Variants in EPHA6 observed in about 807,000 individuals in gnomAD.
The protein encoded by EPHA6 is ephrin type-A receptor 6.
EPHA6 carries 50 observed loss-of-function variants against 112.0 expected under a neutral mutation model. The ratio of observed to expected loss-of-function variants is 0.45; its 90% confidence interval spans 0.36 to 0.56. EPHA6 has a LOEUF of 0.56. Ranked by LOEUF, EPHA6 falls within the 20% of genes least tolerant of loss-of-function variation. The pLI is 0.00. For missense variants in EPHA6, 1,280 were observed against 1,417.4 expected, an observed-to-expected ratio of 0.90 and a Z score of 1.56; for synonymous variants, 529 against 490.7, an observed-to-expected ratio of 1.08 and a Z score of -1.03.
At chr3:96,981,525 G>A (rs79442110) in intron 2 of EPHA6, among the ~76,000 whole-genome samples, 1 of 150,958 alleles carries the variant, frequency 6.6e-6, no homozygotes, top group African/African-American at 2.4e-5. Context: ...TTTTTTTGTT[G>A]TGTCTCTGCG....
At chr3:96,843,441 A>T (rs2034871628) in intron 1 of EPHA6, among the ~76,000 whole-genome samples, 1 of 152,054 alleles carries the variant, frequency 6.6e-6, no homozygotes, top group South Asian at 2.1e-4. Context: ...TAAAATATAG[A>T]TTTGGAACAT....
At chr3:97,197,440 C>T (rs956866160) in intron 3 of EPHA6, among the ~76,000 whole-genome samples, 1 of 151,966 alleles carries the variant, frequency 6.6e-6, no homozygotes, top group African/African-American at 2.4e-5. Flanking sequence ...GGGTTCTCTT[C>T]TGTCCAAGGG....
intron 6 of EPHA6, among the ~76,000 whole-genome samples, chr3:97,419,107 C>G (rs1187788971): frequency 6.6e-6 from 1 of 151,962 alleles, no homozygotes; most frequent in Non-Finnish European, 1.5e-5. Context: ...GAGTTTAACA[C>G]CTGCCTGACC....
At chr3:97,186,261 C>G (rs1190585633) in intron 3 of EPHA6, among the ~76,000 whole-genome samples, 1 of 152,064 alleles carries the variant, frequency 6.6e-6, no homozygotes, top group Non-Finnish European at 1.5e-5. Context: ...CAGCCTGCTT[C>G]CTAGCTATAG....
chr3:97,584,220 C>A (rs1203172509), intron 11 of EPHA6, among the ~76,000 whole-genome samples: 2 of 152,050 alleles, frequency 1.3e-5, no homozygotes, highest in Non-Finnish European at 1.5e-5. Context: ...TAAATATTAC[C>A]TTGAGCTCCT....
At chr3:96,912,882 G>A (rs990164849) in intron 2 of EPHA6, among the ~76,000 whole-genome samples, 4 of 152,030 alleles carry the variant, frequency 2.6e-5, no homozygotes, top group Non-Finnish European at 5.9e-5. Context: ...ATGAGCCACT[G>A]TACCTGGCCT....
chr3:97,409,430 T>G (rs77654372), intron 6 of EPHA6, among the ~76,000 whole-genome samples: 4,194 of 152,168 alleles, frequency 0.028, 74 homozygotes, highest in Middle Eastern at 0.065. Flanking sequence ...ATTTTACAGA[T>G]TAAGAAACTA....
In EPHA6 at chr3:97,753,589, C is replaced by A. The variant is rs1459215280; in HGVS notation, c.*4888C>A. Among the ~76,000 whole-genome samples, 1 of 152,058 alleles carries A rather than the reference C, an allele frequency of 6.6e-6. No homozygotes were observed. The highest frequency in any genetic ancestry group is 1.5e-5 in the Non-Finnish European group (1 of 68,000). On this transcript the variant is annotated 3_prime_UTR_variant, in exon 18 of 18. Coordinates refer to ENST00000389672, the MANE Select transcript of EPHA6 (RefSeq NM_001080448.3). ...TATCAGTTCGTATATGGATTCACTACCTCAAAGGTGCCTCCTGTTAGAAAA... is the reference window on the plus strand; with the variant it reads ...TATCAGTTCGTATATGGATTCACTAACTCAAAGGTGCCTCCTGTTAGAAAA...
At chr3:97,668,176 G>T (rs1382758105) in intron 14 of EPHA6, among the ~76,000 whole-genome samples, 2 of 152,098 alleles carry the variant, frequency 1.3e-5, no homozygotes, top group Non-Finnish European at 2.9e-5. Flanking sequence ...TCATAATCTT[G>T]CTTCAAAGTA....
At chr3:97,362,780 A>G (rs1268277176) in intron 5 of EPHA6, among the ~76,000 whole-genome samples, 2 of 151,872 alleles carry the variant, frequency 1.3e-5, no homozygotes, top group Admixed American at 6.6e-5. Flanking sequence ...CAAGGTGTCA[A>G]TTTTATTTTT....
At chr3:97,700,699 A>T (rs1220562518) in intron 14 of EPHA6, among the ~76,000 whole-genome samples, 1 of 152,234 alleles carries the variant, frequency 6.6e-6, no homozygotes, top group Non-Finnish European at 1.5e-5. Flanking sequence ...TACACCACAC[A>T]CACATACAGT....
chr3:97,244,039 G>A lies in EPHA6; in HGVS notation c.1358G>A (p.Gly453Glu). 1.2e-6 allele frequency: 2 copies of A among 1,612,648 alleles called. No individual in the cohort carries two copies. The highest frequency in any genetic ancestry group is 1.7e-6 in the Non-Finnish European group (2 of 1,179,212). Reference protein sequence around the residue: ...LEWSPPSDTGGRKDLTYSVIC... With the variant: ...LEWSPPSDTGERKDLTYSVIC... ...TGGAGCCCACCAAGTGACACAGGAGGGAGAAAAGATCTCACATACAGTGTA... is the reference window on the plus strand; with the variant it reads ...TGGAGCCCACCAAGTGACACAGGAGAGAGAAAAGATCTCACATACAGTGTA... Residue 453 changes from glycine to glutamate, a missense_variant, in exon 5 of 18, where the codon GGG becomes GAG. Gly to Glu is a moderately conservative substitution (Grantham distance 98). This residue lies in a region of EPHA6 where 878 missense variants were observed against 999.7 expected (regional missense o/e 0.88). Coordinates refer to ENST00000389672, the MANE Select transcript of EPHA6 (RefSeq NM_001080448.3).
chr3:96,932,122 G>A (rs1293538408), intron 2 of EPHA6, among the ~76,000 whole-genome samples: 1 of 152,114 alleles, frequency 6.6e-6, no homozygotes, highest in African/African-American at 2.4e-5. Context: ...TTCCTTGGCT[G>A]TATTCCAGGG....
At chr3:97,060,420 A>G (rs779982564) in intron 3 of EPHA6, among the ~76,000 whole-genome samples, 2 of 152,216 alleles carry the variant, frequency 1.3e-5, no homozygotes, top group African/African-American at 2.4e-5. Flanking sequence ...GAACATATAT[A>G]TTACAGTGAG....
At chr3:97,025,735 C>T (rs1392348432) in intron 3 of EPHA6, among the ~76,000 whole-genome samples, 1 of 152,030 alleles carries the variant, frequency 6.6e-6, no homozygotes, top group African/African-American at 2.4e-5. Context: ...ACTGCAGGTG[C>T]ACACCACCAC....
chr3:97,595,273 A>G (rs1318899176), intron 12 of EPHA6, among the ~76,000 whole-genome samples: 1 of 152,228 alleles, frequency 6.6e-6, no homozygotes, highest in Non-Finnish European at 1.5e-5. Context: ...ACCAGGAAGT[A>G]TTAGCTGAAA....
chr3:97,642,286 C>G lies in EPHA6; in HGVS notation c.2784+4204C>G, dbSNP rs942797181. On this transcript the variant is annotated intron_variant, in intron 14 of 17. Coordinates refer to ENST00000389672, the MANE Select transcript of EPHA6 (RefSeq NM_001080448.3). ...AAGGACATCCACACCAAAAACCCAT[C>G]TGTACATCACCATCATCAAAGACCA... 1.1e-3 allele frequency among the ~76,000 whole-genome samples: 113 copies of G among 101,054 alleles called. 2 individuals carry two copies. Among genetic ancestry groups the G allele is most frequent in the Non-Finnish European group, 1.7e-3 (85 of 48,808 alleles). 66.3% of individuals were successfully genotyped at this position (101,054 alleles called of 152,430 possible).
intron 5 of EPHA6, among the ~76,000 whole-genome samples, chr3:97,259,912 C>T (rs571793517): frequency 4.6e-5 from 7 of 151,792 alleles, no homozygotes; most frequent in East Asian, 1.9e-4. Context: ...GCGATTCTTC[C>T]GCCTCAGCCT....
chr3:97,211,352 A>T (rs1364782012), intron 3 of EPHA6, among the ~76,000 whole-genome samples: 2 of 152,098 alleles, frequency 1.3e-5, no homozygotes, highest in Non-Finnish European at 2.9e-5. Flanking sequence ...ATCCCTCACA[A>T]CCACCCCTGA....
Sources: gnomAD v4.1 joint callset for allele counts (sites outside exome capture counted in the v4.1 genomes callset) on GRCh38, gnomAD v4.1.1 for gene constraint, gnomAD v4.1.1 regional missense constraint, MANE v1.5 for transcripts, NCBI Gene and HGNC (gene_info 2026-07-23, HGNC 2026-07-21) for gene names.